The following GPBP1 variants were observed in gnomAD, a reference collection of about 807,000 sequenced individuals.
GPBP1 encodes GC-rich promoter binding protein 1, also known as vasculin.
In GPBP1, 13 loss-of-function variants were observed where a neutral mutation model predicts 56.5. The ratio of observed to expected loss-of-function variants is 0.23; its 90% CI spans 0.15 to 0.37. The LOEUF (loss-of-function observed/expected upper bound fraction) is 0.37, where lower values mean the gene tolerates loss of function less well. Among genes scored for constraint, GPBP1 ranks in the 10% least tolerant of loss-of-function variants. GPBP1 has a pLI of 1.00. For missense variants in GPBP1, 477 were observed against 572.3 expected, an observed-to-expected ratio of 0.83 and a Z score of 1.70; for synonymous variants, 204 against 188.9, an observed-to-expected ratio of 1.08 and a Z score of -0.66.
At position 57,192,753 on chromosome 5, in the gene GPBP1, C is replaced by CAAAAAAA. The variant is rs70999061; in HGVS notation, c.-58+16368_-58+16374dup. Reference sequence around the variant, plus strand: ...GGGCAACGAGAGCGGAACTCCGTCTCAAAAAAAAAAAAAAAAAAAAATTAG... The same window carrying CAAAAAAA: ...GGGCAACGAGAGCGGAACTCCGTCTCAAAAAAAAAAAAAAAAAAAAAAAAAAAATTAG... On this transcript the variant is annotated intron_variant, in intron 2 of 11. Coordinates refer to ENST00000506184, the MANE Select transcript of GPBP1 (RefSeq NM_022913.4). Among the ~76,000 whole-genome samples the CAAAAAAA allele has an allele frequency of 1.6e-4, 17 of 103,214 alleles. 1 individual carries two copies. The highest frequency in any genetic ancestry group is 1.1e-4 in the Admixed American group (1 of 8,860). The allele number at this position is 103,214 out of a possible 152,430, so 67.7% of individuals were successfully genotyped here. A position where few individuals can be genotyped will look rare whatever the true frequency, so the allele number is the denominator to read the frequency against.
rs930885117 is a variant in GPBP1 at position 57,250,869 on chromosome 5, C to T, written c.973-85C>T. 39 of 902,712 alleles carry T rather than the reference C, an allele frequency of 4.3e-5. No individual in the cohort carries two copies. In the African/African-American group the frequency reaches 5.9e-4, roughly 14 times the overall value. The allele number at this position is 902,712 out of a possible 1,614,324, so 55.9% of individuals were successfully genotyped here. A position where few individuals can be genotyped will look rare whatever the true frequency, so the allele number is the denominator to read the frequency against. ...CGCATTTATGTATTTTCAATGGAAG[C>T]TTAGTTAGGATCTATTAAAAGTTTT... is the stretch of plus-strand genomic sequence containing the variant. On this transcript the variant is annotated intron_variant, in intron 9 of 11. Transcript: ENST00000506184.
chr5:57,182,884 T>C (rs765062567), intron 2 of GPBP1, among the ~76,000 whole-genome samples: 1 of 152,146 alleles, frequency 6.6e-6, no homozygotes. Context: ...AGTCTTGTTA[T>C]GTTTCCCAGG....
At chr5:57,198,773 C>T (rs867037940) in intron 2 of GPBP1, among the ~76,000 whole-genome samples, 12 of 152,172 alleles carry the variant, frequency 7.9e-5, no homozygotes, top group Middle Eastern at 3.4e-3. Context: ...GCTTGAACCT[C>T]GGTGGCAGAG....
chr5:57,228,368 T>C (rs1472371506), intron 3 of GPBP1, among the ~76,000 whole-genome samples: 1 of 151,866 alleles, frequency 6.6e-6, no homozygotes, highest in African/African-American at 2.4e-5. Flanking sequence ...GGCAGGAGAA[T>C]CATTTGAACC....
chr5:57,210,625 T>G (rs955135044), intron 2 of GPBP1, among the ~76,000 whole-genome samples: 1 of 152,214 alleles, frequency 6.6e-6, no homozygotes, highest in Admixed American at 6.5e-5. Flanking sequence ...AACATTTTAG[T>G]TGGTCTATTT....
chr5:57,177,507 CTT>C (rs1199753651), intron 2 of GPBP1, among the ~76,000 whole-genome samples: 7 of 152,062 alleles, frequency 4.6e-5, no homozygotes, highest in African/African-American at 7.2e-5. Flanking sequence ...GAGTTTCGCT[CTT>C]GTTGCCCAGG....
intron 2 of GPBP1, among the ~76,000 whole-genome samples, chr5:57,187,724 C>G (rs2111614776): frequency 6.6e-6 from 1 of 152,078 alleles, no homozygotes; most frequent in South Asian, 2.1e-4. Flanking sequence ...ATAATGAATG[C>G]TAAATGCTTT....
intron 6 of GPBP1, among the ~76,000 whole-genome samples, chr5:57,244,849 T>C (rs1741013546): frequency 6.7e-6 from 1 of 148,166 alleles, no homozygotes; most frequent in African/African-American, 2.5e-5. Context: ...TTCTCCTGCC[T>C]CAGCCTCCCG....
intron 2 of GPBP1, among the ~76,000 whole-genome samples, chr5:57,195,980 C>CAAAAAAAAAA (rs1181097227): frequency 3.4e-5 from 1 of 29,750 alleles, no homozygotes; most frequent in Non-Finnish European, 5.4e-5. Context: ...AACTCCATCT[C>CAAAAAAAAAA]AAAAAAAAAA....
rs145928798 is a variant in GPBP1, at chr5:57,209,427, A to G, written c.-57-4647A>G. Among the ~76,000 whole-genome samples the G allele has an allele frequency of 6.6e-5, 10 of 152,258 alleles. No individual in the cohort carries two copies. In the East Asian group the frequency reaches 1.2e-3, roughly 18 times the overall value. ...GCACTTCTCCCTTCCCAGGCTCCCA[A>G]GTATCTGGGACTACAGGTGCTTTGC... On this transcript the variant is annotated intron_variant, in intron 2 of 11. Transcript: ENST00000506184.
intron 6 of GPBP1, among the ~76,000 whole-genome samples, chr5:57,240,242 CTCTT>C (rs1363423924): frequency 6.6e-6 from 1 of 152,012 alleles, no homozygotes; most frequent in East Asian, 1.9e-4. Flanking sequence ...CAGAGCAAGA[CTCTT>C]TCTCCAAAGA....
chr5:57,183,362 C>G (rs1328965110), intron 2 of GPBP1, among the ~76,000 whole-genome samples: 1 of 152,146 alleles, frequency 6.6e-6, no homozygotes, highest in African/African-American at 2.4e-5. Flanking sequence ...AGTAAAAACT[C>G]TGTCTCTAAA....
intron 2 of GPBP1, among the ~76,000 whole-genome samples, chr5:57,203,623 T>C (rs1172865001): frequency 6.6e-6 from 1 of 152,162 alleles, no homozygotes; most frequent in Non-Finnish European, 1.5e-5. Context: ...TCCAGCCTGG[T>C]GACAGAGCAA....
At chr5:57,247,042 G>GAT (rs780751237) in intron 7 of GPBP1, 33 bp from the exon 8 acceptor site, 1 of 1,579,068 alleles carries the variant, frequency 6.3e-7, no homozygotes, top group Non-Finnish European at 8.6e-7. Context: ...ACCTGTTTTT[G>GAT]ATAGCCATTA....
intron 3 of GPBP1, among the ~76,000 whole-genome samples, chr5:57,218,055 T>G (rs1755774560): frequency 6.6e-6 from 1 of 152,034 alleles, no homozygotes; most frequent in Non-Finnish European, 1.5e-5. Context: ...CTATAAGACC[T>G]GTGTAAAAGA....
rs1023728809 is a variant in GPBP1, at chr5:57,260,629, AT to A, written c.1161-545del. 2.6e-5 allele frequency among the ~76,000 whole-genome samples: 4 copies of A among 152,136 alleles called. No individual in the cohort carries two copies. The East Asian group carries it at 5.8e-4, about 22-fold the overall frequency. ...CTTGCATAGTTTTTCCATGATACACATTTTTTATGAACTTTTTGAAGACTCC... is the reference window on the plus strand; with the variant it reads ...CTTGCATAGTTTTTCCATGATACACATTTTTATGAACTTTTTGAAGACTCC... On this transcript the variant is annotated intron_variant, in intron 10 of 11. Transcript: ENST00000506184.
At chr5:57,231,557 TGCCACTGCGCACTGA>T (rs1756461673) in intron 5 of GPBP1, among the ~76,000 whole-genome samples, 1 of 152,184 alleles carries the variant, frequency 6.6e-6, no homozygotes, top group African/African-American at 2.4e-5. Flanking sequence ...ACAGCCACTG[TGCCACTGCGCACTGA>T]GCCACTGTAC....
Position 57,231,282 on chromosome 5 carries a change from A to G in GPBP1, c.372A>G (p.Glu124=). The G allele has an allele frequency of 6.2e-7, 1 of 1,613,990 alleles. No homozygotes were observed. Among genetic ancestry groups the G allele is most frequent in the Non-Finnish European group, 8.5e-7 (1 of 1,179,890 alleles). Residue 124 remains glutamate, a synonymous_variant, in exon 5 of 12, where the codon GAA becomes GAG. Coordinates refer to ENST00000506184, the MANE Select transcript of GPBP1 (RefSeq NM_022913.4). ...CTGACAATGAAACCGGGAGGAAAGAAGACAAGAGAGAACGCAAACAGTTTG... is the reference window on the plus strand; with the variant it reads ...CTGACAATGAAACCGGGAGGAAAGAGGACAAGAGAGAACGCAAACAGTTTG... ...NIPDNETGRK[E]DKRERKQFEA...
chr5:57,197,953 T>C (rs527433865), intron 2 of GPBP1, among the ~76,000 whole-genome samples: 11 of 152,288 alleles, frequency 7.2e-5, no homozygotes, highest in African/African-American at 2.4e-4. Flanking sequence ...CTGTCAATGT[T>C]CTAGGACCCT....
Sources: gnomAD v4.1 joint callset for allele counts (sites outside exome capture counted in the v4.1 genomes callset) on GRCh38, gnomAD v4.1.1 for gene constraint, MANE v1.5 for transcripts, NCBI Gene and HGNC (gene_info 2026-07-23, HGNC 2026-07-21) for gene names.